The following CTR9 variants were observed in gnomAD, a reference collection of about 807,000 sequenced individuals.
The protein encoded by CTR9 is CTR9 component of Paf1/RNA polymerase II complex.
A neutral mutation model predicts 152.1 loss-of-function variants in CTR9; 41 were observed. The observed-to-expected ratio is 0.27, with a 90% CI of 0.21 to 0.35. The LOEUF (loss-of-function observed/expected upper bound fraction) is 0.35, where lower values mean the gene tolerates loss of function less well. CTR9 is among the 10% of genes least tolerant of loss of function. CTR9 has a pLI of 1.00. For synonymous variants in CTR9, 476 were observed against 496.2 expected (o/e 0.96, Z 0.54); for missense variants, 917 against 1,424.4 (o/e 0.64, Z 5.73).
chr11:10,771,719 G>T (rs749189290), intron 19 of CTR9, 103 bp downstream of exon 19: 9 of 784,474 alleles, frequency 1.1e-5, no homozygotes, highest in Non-Finnish European at 2.0e-5. Flanking sequence ...ACCTTCCACA[G>T]GTCAGTCTTT....
chr11:10,754,752 T>C (rs1412132885), intron 2 of CTR9, among the ~76,000 whole-genome samples: 1 of 152,254 alleles, frequency 6.6e-6, no homozygotes, highest in Non-Finnish European at 1.5e-5. Flanking sequence ...TGTTGTAGCA[T>C]GTATCAGTAG....
intron 22 of CTR9, 58 bp downstream of exon 22, chr11:10,774,227 A>G (rs1005655027): frequency 2.4e-5 from 37 of 1,529,488 alleles, no homozygotes; most frequent in Non-Finnish European, 2.9e-5. Context: ...AAGACCTTTT[A>G]CCTTCTGAAT....
rs1862794178 is a variant in CTR9, at chr11:10,751,258, G to A, written c.-155G>A. 20 of 729,912 alleles carry A rather than the reference G, an allele frequency of 2.7e-5. No individual in the cohort carries two copies. Among genetic ancestry groups the A allele is most frequent in the Middle Eastern group, 4.0e-4 (1 of 2,502 alleles). The allele number at this position is 729,912 out of a possible 1,614,324, so 45.2% of individuals were successfully genotyped here. ...CCGTCCGCTGCTCGTTGTTTAAGCG[G>A]CTGACGGGAAGGAGAAGCCAGAGCT... On this transcript the variant is annotated 5_prime_UTR_variant, in exon 1 of 25. Coordinates refer to ENST00000361367, the MANE Select transcript of CTR9 (RefSeq NM_014633.5).
At chr11:10,773,693 G>C (rs1564972075) in intron 21 of CTR9, among the ~76,000 whole-genome samples, 1 of 151,988 alleles carries the variant, frequency 6.6e-6, no homozygotes, top group Admixed American at 6.6e-5. Flanking sequence ...TCTGAGACCA[G>C]TTTGGCCAAC....
In CTR9 at chr11:10,760,371, C is replaced by T. The variant is rs1023040172; in HGVS notation, c.741+50C>T. On this transcript the variant is annotated intron_variant, in intron 6 of 24. Coordinates refer to ENST00000361367, the MANE Select transcript of CTR9 (RefSeq NM_014633.5). ...GCTCCTAACTGCTTTGTCAGGCCCA[C>T]AGCCTCTTATCTAAAACTCTTGGAG... The T allele has an allele frequency of 1.0e-5, 16 of 1,542,496 alleles. No individual in the cohort carries two copies. The Middle Eastern group carries it at 5.1e-4, about 49-fold the overall frequency.
chr11:10,759,300 CAGA>C (rs1362194157), intron 5 of CTR9, among the ~76,000 whole-genome samples: 8 of 152,216 alleles, frequency 5.3e-5, no homozygotes, highest in Non-Finnish European at 1.0e-4. Flanking sequence ...AAAATGTTTC[CAGA>C]AGAAGATGAT....
chr11:10,760,082 G>T, intron 5 of CTR9, 91 bp from the exon 6 acceptor site: 3 of 1,421,008 alleles, frequency 2.1e-6, no homozygotes, highest in Non-Finnish European at 2.9e-6. Context: ...TGGGGATTTT[G>T]CAACTCATAA....
intron 2 of CTR9, among the ~76,000 whole-genome samples, chr11:10,753,554 G>A (rs1862838020): frequency 6.6e-6 from 1 of 151,950 alleles, no homozygotes; most frequent in Non-Finnish European, 1.5e-5. Flanking sequence ...TGGATTTACA[G>A]AGAAGTATTT....
At chr11:10,774,987 A>T (rs560206261) in intron 22 of CTR9, among the ~76,000 whole-genome samples, 1 of 152,372 alleles carries the variant, frequency 6.6e-6, no homozygotes, top group South Asian at 2.1e-4. Context: ...CTCAGCAGTG[A>T]CTAATCAGCA....
intron 21 of CTR9, 51 bp from the exon 22 acceptor site, chr11:10,773,961 C>G: frequency 7.4e-7 from 1 of 1,354,644 alleles, no homozygotes; most frequent in South Asian, 1.3e-5. Flanking sequence ...GCATTCTAAC[C>G]ACATTCCACC....
rs1329267835 is a variant in CTR9 at position 10,763,897 on chromosome 11, A to G, written c.1194+18A>G. ...TTGCCAAGGTACATCTTTTTTTTAA[A>G]GTCTTAGCTGTTTTCTGTTAGCTGT... On this transcript the variant is annotated intron_variant, in intron 9 of 24. Coordinates refer to ENST00000361367, the MANE Select transcript of CTR9 (RefSeq NM_014633.5). 6.4e-7 allele frequency: 1 copy of G among 1,567,140 alleles called. No individual in the cohort carries two copies. Among genetic ancestry groups the G allele is most frequent in the Admixed American group, 1.9e-5 (1 of 53,604 alleles).
At chr11:10,768,888 C>G (rs1486049038) in intron 16 of CTR9, among the ~76,000 whole-genome samples, 2 of 152,198 alleles carry the variant, frequency 1.3e-5, no homozygotes, top group Non-Finnish European at 2.9e-5. Context: ...TGAAACTGAA[C>G]TGTGAGTTTT....
At chr11:10,752,848 G>C (rs1183095642) in intron 2 of CTR9, 78 bp downstream of exon 2, 2 of 1,120,132 alleles carry the variant, frequency 1.8e-6, no homozygotes, top group African/African-American at 3.1e-5. Context: ...TATAGTAATA[G>C]CCAGCTTGGC....
At chr11:10,775,383 C>A in intron 23 of CTR9, 80 bp downstream of exon 23, 2 of 1,428,380 alleles carry the variant, frequency 1.4e-6, no homozygotes, top group South Asian at 2.4e-5. Context: ...TCTTTCCTTG[C>A]AGCTTTCTCA....
In CTR9 at chr11:10,764,039, T is replaced by TA. The variant is rs573721401; in HGVS notation, c.1195-72dup. Reference sequence around the variant, plus strand: ...AAACAATGGATTTATTAAACAGACTTACATAGCCCCCACTTTTTATTTTGA... The same window carrying TA: ...AAACAATGGATTTATTAAACAGACTTAACATAGCCCCCACTTTTTATTTTGA... On this transcript the variant is annotated intron_variant, in intron 9 of 24. Transcript: ENST00000361367. 9.4e-5 allele frequency: 139 copies of TA among 1,475,608 alleles called. 4 individuals carry two copies. In the South Asian group the frequency reaches 1.6e-3, roughly 17 times the overall value. 91.4% of individuals were successfully genotyped at this position (1,475,608 alleles called of 1,614,324 possible).
In CTR9 at chr11:10,755,604, A is replaced by G. The variant is rs79921863; in HGVS notation, c.385-74A>G. ...TTGCACTGTGCTCCACCTCCTTCCT[A>G]TTTGGTTTTCACTTTAGTGTTACAT... On this transcript the variant is annotated intron_variant, in intron 3 of 24. Transcript: ENST00000361367. 135 of 879,526 alleles carry G rather than the reference A, an allele frequency of 1.5e-4. 1 individual carries two copies. Among genetic ancestry groups the G allele is most frequent in the Non-Finnish European group, 2.4e-4 (131 of 545,224 alleles). The allele number at this position is 879,526 out of a possible 1,614,324, so 54.5% of individuals were successfully genotyped here. A position where few individuals can be genotyped will look rare whatever the true frequency, so the allele number is the denominator to read the frequency against.
At position 10,763,826 on chromosome 11, in the gene CTR9, C is replaced by A; in HGVS notation, c.1141C>A (p.Leu381Ile). The change falls in exon 9 of 25, where the codon CTC becomes ATC. Residue 381 changes from leucine (L) to isoleucine (I), a missense_variant. By Grantham distance (5) the Leu-to-Ile change is conservative. Coordinates refer to ENST00000361367, the MANE Select transcript of CTR9 (RefSeq NM_014633.5). ...TAATAATTACGAAACTATGAAAATTCTCGGCTCTCTCTATGCTGCCTCAGA... is the reference window on the plus strand; with the variant it reads ...TAATAATTACGAAACTATGAAAATTATCGGCTCTCTCTATGCTGCCTCAGA... ...YPNNYETMKI[L>I]GSLYAASEDQ... is the part of the protein sequence containing the mutation. 1.2e-6 allele frequency: 2 copies of A among 1,613,706 alleles called. No individual in the cohort carries two copies. The highest frequency in any genetic ancestry group is 8.5e-7 in the Non-Finnish European group (1 of 1,179,976).
Position 10,758,599 on chromosome 11 carries a change from T to G in CTR9, c.593-1574T>G, listed in dbSNP as rs149057827. Among the ~76,000 whole-genome samples, 235 of 152,362 alleles carry G rather than the reference T, an allele frequency of 1.5e-3. 1 individual carries two copies. Among genetic ancestry groups the G allele is most frequent in the Non-Finnish European group, 2.3e-3 (155 of 68,040 alleles). ...AAGTTTGAAATACCTTTTAGACATA[T>G]AAGTTGTCAAATTAAGCAGTTCAGC... is the stretch of plus-strand genomic sequence containing the variant. On this transcript the variant is annotated intron_variant, in intron 5 of 24. Transcript: ENST00000361367.
At position 10,767,153 on chromosome 11, in the gene CTR9, A is replaced by C. The variant is rs369592343; in HGVS notation, c.1687-653A>C. ...CACTCATGTGGGGGTCTACAACAAG[A>C]AGTGTATATTTTCAAACAATTTTTT... is the stretch of plus-strand genomic sequence containing the variant. On this transcript the variant is annotated intron_variant, in intron 13 of 24. Transcript: ENST00000361367. The surrounding 1 kb of genome is among the most constrained non-coding windows in gnomAD (Gnocchi z 4.0). 1.3e-5 allele frequency: 2 copies of C among 152,842 alleles called. No homozygotes were observed. Among genetic ancestry groups the C allele is most frequent in the Admixed American group, 1.3e-4 (2 of 15,306 alleles). 9.5% of individuals were successfully genotyped at this position (152,842 alleles called of 1,614,324 possible).
Sources: gnomAD v4.1 joint callset for allele counts (sites outside exome capture counted in the v4.1 genomes callset) on GRCh38, gnomAD v4.1.1 for gene constraint, Gnocchi (gnomAD v3.1) non-coding constraint, MANE v1.5 for transcripts, NCBI Gene and HGNC (gene_info 2026-07-23, HGNC 2026-07-21) for gene names.